The following SENP1 variants were observed in gnomAD, a reference collection of about 807,000 sequenced individuals.
The protein encoded by SENP1 is sentrin-specific protease 1.
Under a neutral mutation model 93.0 loss-of-function variants are expected in SENP1, and 21 were observed. That is an observed-to-expected ratio of 0.23 (90% confidence interval 0.16 to 0.33). The LOEUF (loss-of-function observed/expected upper bound fraction) is 0.33. Among genes scored for constraint, SENP1 ranks in the 10% least tolerant of loss-of-function variants. The pLI, the probability that SENP1 is intolerant of heterozygous loss-of-function variation, is 1.00. For missense variants in SENP1, 591 were observed against 758.7 expected, an observed-to-expected ratio of 0.78 and a Z score of 2.60; for synonymous variants, 256 against 259.6, an observed-to-expected ratio of 0.99 and a Z score of 0.13.
chr12:48,062,053 C>G (rs1474105668), intron 13 of SENP1, among the ~76,000 whole-genome samples: 1 of 152,066 alleles, frequency 6.6e-6, no homozygotes, highest in East Asian at 1.9e-4. Flanking sequence ...CTCTGATGGG[C>G]CCAGGGAATG....
intron 4 of SENP1, among the ~76,000 whole-genome samples, chr12:48,091,730 G>C (rs1302502542): frequency 6.6e-6 from 1 of 151,990 alleles, no homozygotes; most frequent in Non-Finnish European, 1.5e-5. Flanking sequence ...CCATGCTGGA[G>C]TACAGTGGCA....
chr12:48,046,579 C>CA (rs1941383889), intron 16 of SENP1, 128 bp from the exon 17 acceptor site: 1 of 695,490 alleles, frequency 1.4e-6, no homozygotes, highest in African/African-American at 1.8e-5. Context: ...TCTGGCCCCC[C>CA]AGTCAGGACA....
At chr12:48,051,392 C>G (rs2136788032) in intron 13 of SENP1, among the ~76,000 whole-genome samples, 1 of 152,290 alleles carries the variant, frequency 6.6e-6, no homozygotes, top group Admixed American at 6.5e-5. Flanking sequence ...AGTTAATTAG[C>G]TCTAAGGAAT....
intron 4 of SENP1, among the ~76,000 whole-genome samples, chr12:48,090,016 A>C (rs543257037): frequency 1.1e-4 from 17 of 152,338 alleles, no homozygotes; most frequent in African/African-American, 4.1e-4. Context: ...GTCAGGATTT[A>C]GGGTAAATAG....
chr12:48,062,240 G>A lies in SENP1; in HGVS notation c.1407+1470C>T, dbSNP rs147584833. Among the ~76,000 whole-genome samples, 536 of 152,234 alleles carry A rather than the reference G, an allele frequency of 3.5e-3. 5 individuals are homozygous for A. Among genetic ancestry groups the A allele is most frequent in the Non-Finnish European group, 4.8e-3 (328 of 68,016 alleles). ...TAGAGTAACTGACCTCGCACCACCA[G>A]CAATGGCAGGAAATAAATGGCAAAG... On this transcript the variant is annotated intron_variant, in intron 13 of 17. Coordinates refer to ENST00000549518, the MANE Select transcript of SENP1 (RefSeq NM_001267594.2).
intron 2 of SENP1, among the ~76,000 whole-genome samples, chr12:48,098,820 A>C (rs1945735448): frequency 6.6e-6 from 1 of 152,024 alleles, no homozygotes; most frequent in Non-Finnish European, 1.5e-5. Flanking sequence ...TCTAACAATA[A>C]TAATAAAAAA....
At chr12:48,064,201 T>C (rs2136953648) in intron 12 of SENP1, among the ~76,000 whole-genome samples, 1 of 152,364 alleles carries the variant, frequency 6.6e-6, no homozygotes. Context: ...AAACAGAATT[T>C]TTCATAAAAG....
In SENP1 at chr12:48,043,872, CA is replaced by C. The variant is rs1331126101; in HGVS notation, c.*1449del. ...AAACAGTAAAATTTTCAAATAAGCC[CA>C]GGGAAAAAGCACAATGCTGGAAAGA... On this transcript the variant is annotated 3_prime_UTR_variant, in exon 18 of 18. Transcript: ENST00000549518. 3 of 152,428 alleles carry C rather than the reference CA, an allele frequency of 2.0e-5. No homozygotes were observed. 9.4% of individuals were successfully genotyped at this position (152,428 alleles called of 1,614,324 possible).
At chr12:48,078,337 ACACAC>A (rs1483371228) in intron 6 of SENP1, among the ~76,000 whole-genome samples, 10 of 95,170 alleles carry the variant, frequency 1.1e-4, no homozygotes, top group Non-Finnish European at 1.8e-4. Context: ...ATATATATAC[ACACAC>A]ATATATATAT....
chr12:48,046,494 C>T, intron 16 of SENP1, 43 bp from the exon 17 acceptor site: 1 of 1,300,016 alleles, frequency 7.7e-7, no homozygotes, highest in East Asian at 2.3e-5. Context: ...TTCCAAGCTT[C>T]TTTCCTTCTT....
At chr12:48,071,786 T>G in intron 8 of SENP1, 65 bp from the exon 9 acceptor site, 1 of 1,051,648 alleles carries the variant, frequency 9.5e-7, no homozygotes, top group Non-Finnish European at 1.4e-6. Context: ...TCTAGATATC[T>G]TAGTTTAAGT....
At chr12:48,083,404 T>C (rs554606926) in intron 6 of SENP1, among the ~76,000 whole-genome samples, 187 bp downstream of exon 6, 2 of 152,316 alleles carry the variant, frequency 1.3e-5, no homozygotes, top group East Asian at 3.9e-4. Context: ...AATGAAGTCC[T>C]GCTAAAACAC....
chr12:48,077,580 G>T (rs759675066), intron 6 of SENP1, among the ~76,000 whole-genome samples: 28 of 151,682 alleles, frequency 1.8e-4, no homozygotes, highest in Non-Finnish European at 3.4e-4. Flanking sequence ...TATATAACGG[G>T]TTCACTTTTT....
chr12:48,063,892 A>C (rs1943121553), intron 12 of SENP1, 51 bp from the exon 13 acceptor site: 1 of 1,546,212 alleles, frequency 6.5e-7, no homozygotes, highest in Non-Finnish European at 8.8e-7. Flanking sequence ...CTTCAGAAAA[A>C]CCGTATTTCT....
chr12:48,074,835 A>G (rs766369743), intron 6 of SENP1, 42 bp from the exon 7 acceptor site: 5 of 1,280,580 alleles, frequency 3.9e-6, no homozygotes, highest in Non-Finnish European at 5.5e-6. Context: ...AACACATCCA[A>G]TAAGGCAAGT....
At chr12:48,077,893 C>T (rs1057024616) in intron 6 of SENP1, among the ~76,000 whole-genome samples, 23 of 152,156 alleles carry the variant, frequency 1.5e-4, no homozygotes, top group African/African-American at 4.8e-4. Flanking sequence ...GTTCTTTCTG[C>T]TCATAATTGC....
rs1941593078 is a variant in SENP1 at position 48,049,125 on chromosome 12, T to C, written c.1415A>G (p.Asn472Ser). 4 of 1,612,902 alleles carry C rather than the reference T, an allele frequency of 2.5e-6. No individual in the cohort carries two copies. Among genetic ancestry groups the C allele is most frequent in the South Asian group, 1.1e-5 (1 of 91,028 alleles). Residue 472 changes from asparagine (N) to serine (S), a missense_variant, in exon 14 of 18, where the codon AAT (asparagine) becomes AGT (serine). Transcript: ENST00000549518. ...CTCCATCAGCATATTCATGTAGAAA[T>C]TGATGATCTGTGGGAAGAAATTACA... is the stretch of plus-strand genomic sequence containing the variant. ...HLNWLNDEII[N>S]FYMNMLMERS... is the part of the protein sequence containing the mutation.
In SENP1 at chr12:48,065,578, T is replaced by A; in HGVS notation, c.1119+18A>T. 1 of 1,480,232 alleles carries A rather than the reference T, an allele frequency of 6.8e-7. No individual in the cohort carries two copies. The highest frequency in any genetic ancestry group is 1.2e-5 in the South Asian group (1 of 80,464). The allele number at this position is 1,480,232 out of a possible 1,614,324, so 91.7% of individuals were successfully genotyped here. A position where few individuals can be genotyped will look rare whatever the true frequency, so the allele number is the denominator to read the frequency against. On this transcript the variant is annotated intron_variant, in intron 11 of 17. Coordinates refer to ENST00000549518, the MANE Select transcript of SENP1 (RefSeq NM_001267594.2). ...ATGTACTATTTATTTGTAATATTAT[T>A]CCAATTTTCTTTTTTACCTGGTTTT...
At chr12:48,080,932 T>C (rs887299926) in intron 6 of SENP1, among the ~76,000 whole-genome samples, 1 of 152,208 alleles carries the variant, frequency 6.6e-6, no homozygotes, top group Non-Finnish European at 1.5e-5. Flanking sequence ...TGTTCTCCAC[T>C]GACCCAACCT....
Sources: allele counts gnomAD v4.1 joint callset (sites outside exome capture counted in the v4.1 genomes callset), GRCh38; gene constraint gnomAD v4.1.1; transcripts MANE v1.5; gene names NCBI Gene and HGNC (gene_info 2026-07-23, HGNC 2026-07-21).